The following ARSJ variants were observed in gnomAD, a reference collection of about 807,000 sequenced individuals.
The protein encoded by ARSJ is arylsulfatase family member J.
In ARSJ, 26 loss-of-function variants were observed where a neutral mutation model predicts 35.9. The observed-to-expected ratio is 0.72, with a 90% CI of 0.53 to 1.00. The LOEUF is 1.00. Among genes scored for constraint, ARSJ ranks in the 50% least tolerant of loss-of-function variants. ARSJ has a pLI of 0.00. For missense variants in ARSJ, 667 were observed against 723.6 expected (o/e 0.92, Z 0.90); for synonymous variants, 294 against 267.6 (o/e 1.10, Z -0.96).
chr4:113,978,321 T>A, intron 1 of ARSJ, 116 bp downstream of exon 1: 2 of 957,300 alleles, frequency 2.1e-6, no homozygotes, highest in Non-Finnish European at 3.1e-6. Flanking sequence ...TCATTCATTC[T>A]TCATTCATTC....
At chr4:113,945,449 T>C (rs925986759) in intron 1 of ARSJ, among the ~76,000 whole-genome samples, 2 of 152,100 alleles carry the variant, frequency 1.3e-5, no homozygotes, top group Non-Finnish European at 2.9e-5. Flanking sequence ...TTTTGTGGTG[T>C]CTCTTCAAAT....
intron 1 of ARSJ, among the ~76,000 whole-genome samples, chr4:113,916,180 T>C (rs896040201): frequency 6.6e-6 from 1 of 152,182 alleles, no homozygotes; most frequent in Admixed American, 6.5e-5. Flanking sequence ...CTCTGGACAT[T>C]CTGCCTAATG....
intron 1 of ARSJ, among the ~76,000 whole-genome samples, chr4:113,945,340 G>C (rs957024994): frequency 1.3e-5 from 2 of 151,970 alleles, no homozygotes; most frequent in African/African-American, 2.4e-5. Context: ...GTCTCACTAT[G>C]TTGCCTAGAC....
intron 1 of ARSJ, among the ~76,000 whole-genome samples, chr4:113,932,468 G>A (rs894927474): frequency 1.3e-5 from 2 of 151,944 alleles, no homozygotes; most frequent in African/African-American, 2.4e-5. Flanking sequence ...AACAAAACAA[G>A]TCTCAACAAA....
intron 1 of ARSJ, among the ~76,000 whole-genome samples, chr4:113,908,462 T>TA (rs2099669435): frequency 6.6e-6 from 1 of 152,246 alleles, no homozygotes; most frequent in Non-Finnish European, 1.5e-5. Context: ...ATATTTTATT[T>TA]AAAAATCCAT....
chr4:113,961,487 A>G (rs757859133), intron 1 of ARSJ, among the ~76,000 whole-genome samples: 13 of 152,052 alleles, frequency 8.5e-5, no homozygotes, highest in Admixed American at 3.3e-4. Context: ...ATTCCTCTCA[A>G]TGAAATCTTT....
At chr4:113,939,136 C>T (rs1477168641) in intron 1 of ARSJ, among the ~76,000 whole-genome samples, 1 of 147,128 alleles carries the variant, frequency 6.8e-6, no homozygotes, top group Non-Finnish European at 1.5e-5. Flanking sequence ...TGTTCAATTC[C>T]CATCTATGAG....
At chr4:113,963,626 C>T (rs185898046) in intron 1 of ARSJ, among the ~76,000 whole-genome samples, 35 of 151,512 alleles carry the variant, frequency 2.3e-4, no homozygotes, top group African/African-American at 7.7e-4. Flanking sequence ...AAAGCCAAAC[C>T]ATAATCACCC....
intron 1 of ARSJ, among the ~76,000 whole-genome samples, chr4:113,950,656 T>C (rs1725810616): frequency 6.6e-6 from 1 of 152,094 alleles, no homozygotes; most frequent in Non-Finnish European, 1.5e-5. Context: ...TCTGGAAGTA[T>C]ATAAATTCTG....
intron 1 of ARSJ, among the ~76,000 whole-genome samples, chr4:113,931,591 A>G (rs915088072): frequency 6.6e-6 from 1 of 152,130 alleles, no homozygotes; most frequent in Non-Finnish European, 1.5e-5. Context: ...TATGATTAAA[A>G]ATACATTTCA....
intron 1 of ARSJ, among the ~76,000 whole-genome samples, chr4:113,962,571 T>C (rs1420119829): frequency 6.6e-6 from 1 of 151,456 alleles, no homozygotes; most frequent in Non-Finnish European, 1.5e-5. Context: ...TTGTAGTTCA[T>C]CAAAAAATCT....
intron 1 of ARSJ, among the ~76,000 whole-genome samples, chr4:113,911,366 A>G (rs966239068): frequency 6.6e-6 from 1 of 152,198 alleles, no homozygotes; most frequent in African/African-American, 2.4e-5. Flanking sequence ...ACTTTTGAAA[A>G]GAGAATGACA....
intron 1 of ARSJ, among the ~76,000 whole-genome samples, chr4:113,938,859 C>A (rs1724936730): frequency 6.6e-6 from 1 of 151,654 alleles, no homozygotes; most frequent in African/African-American, 2.4e-5. Flanking sequence ...ATATCAAAAC[C>A]CCACAATGAG....
chr4:113,963,378 A>G (rs1285164515), intron 1 of ARSJ, among the ~76,000 whole-genome samples: 1 of 151,998 alleles, frequency 6.6e-6, no homozygotes, highest in African/African-American at 2.4e-5. Flanking sequence ...ACTTACAATC[A>G]TGGGGGAAAG....
chr4:113,973,268 C>A (rs1314628114), intron 1 of ARSJ, among the ~76,000 whole-genome samples: 1 of 152,166 alleles, frequency 6.6e-6, no homozygotes, highest in Non-Finnish European at 1.5e-5. Context: ...TGATCCCCTG[C>A]ATATACTTTC....
At chr4:113,904,778 A>C (rs6836552) in intron 1 of ARSJ, among the ~76,000 whole-genome samples, 11,467 of 152,264 alleles carry the variant, frequency 0.075, 451 homozygotes, top group East Asian at 0.11. Flanking sequence ...CGTGAGCCAC[A>C]GTGCCTGGCC....
At chr4:113,926,313 T>C (rs1724060106) in intron 1 of ARSJ, among the ~76,000 whole-genome samples, 1 of 152,126 alleles carries the variant, frequency 6.6e-6, no homozygotes, top group South Asian at 2.1e-4. Flanking sequence ...CATCCAGCCA[T>C]TTCTCCTTCC....
In ARSJ at chr4:113,903,667, A is replaced by C; in HGVS notation, c.407T>G (p.Ile136Arg). ...RSQFITGKYQ[I>R]HTGLQHSIIR... ...GATAGAATGTTGAAGTCCGGTGTGT[A>C]TCTGATACCTTAAGAAAAGAGAAAA... The change falls in exon 2 of 2, where the codon ATA becomes AGA. Residue 136 changes from isoleucine (I) to arginine (R), a missense_variant. By Grantham distance (97) the Ile-to-Arg change is moderately conservative (BLOSUM62 -3). Coordinates refer to ENST00000315366, the MANE Select transcript of ARSJ (RefSeq NM_024590.4). 2 of 1,603,418 alleles carry C rather than the reference A, an allele frequency of 1.2e-6. No homozygotes were observed. The highest frequency in any genetic ancestry group is 1.7e-6 in the Non-Finnish European group (2 of 1,172,664).
chr4:113,903,075 C>T lies in ARSJ; in HGVS notation c.999G>A (p.Thr333=), dbSNP rs539190739. The T allele has an allele frequency of 3.7e-6, 6 of 1,614,050 alleles. No homozygotes were observed. The highest frequency in any genetic ancestry group is 5.1e-6 in the Non-Finnish European group (6 of 1,180,032). ...IYSSDNGGQP[T]AGGSNWPLRG... ...TGAGAGGCCAGTTACTCCCTCCTGC[C>T]GTAGGCTGGCCACCATTATCTGAAG... The change falls in exon 2 of 2, where the codon ACG becomes ACA. Residue 333 remains threonine, a synonymous_variant. Coordinates refer to ENST00000315366, the MANE Select transcript of ARSJ (RefSeq NM_024590.4).
Sources: gnomAD v4.1 joint callset for allele counts (sites outside exome capture counted in the v4.1 genomes callset) on GRCh38, gnomAD v4.1.1 for gene constraint, MANE v1.5 for transcripts, NCBI Gene and HGNC (gene_info 2026-07-23, HGNC 2026-07-21) for gene names.